The following TRMT1L variants were observed in gnomAD, a reference collection of about 807,000 sequenced individuals.
TRMT1L encodes the protein tRNA methyltransferase 1L, also known as tRNA (guanine(27)-N(2))-dimethyltransferase.
Under a neutral mutation model 81.6 loss-of-function variants are expected in TRMT1L, and 28 were observed. The ratio of observed to expected loss-of-function variants is 0.34; its 90% CI spans 0.25 to 0.47. TRMT1L has a LOEUF of 0.47. Ranked by LOEUF, TRMT1L falls within the 20% of genes least tolerant of loss-of-function variation. The pLI, the probability that TRMT1L is intolerant of heterozygous loss-of-function variation, is 1.00. For missense variants in TRMT1L, 739 were observed against 877.1 expected (o/e 0.84, Z 1.99); for synonymous variants, 301 against 303.2 (o/e 0.99, Z 0.07).
intron 9 of TRMT1L, among the ~76,000 whole-genome samples, 190 bp downstream of exon 9, chr1:185,139,177 A>T (rs1652973502): frequency 6.6e-6 from 1 of 152,238 alleles, no homozygotes; most frequent in South Asian, 2.1e-4. Flanking sequence ...GAGTAAACTG[A>T]ATATTTCAGG....
chr1:185,135,646 T>A (rs1652882342), intron 10 of TRMT1L, among the ~76,000 whole-genome samples: 1 of 151,782 alleles, frequency 6.6e-6, no homozygotes, highest in Non-Finnish European at 1.5e-5. Context: ...AAGGAACACA[T>A]AATTCCAATA....
intron 5 of TRMT1L, among the ~76,000 whole-genome samples, chr1:185,144,915 T>A (rs1653149291): frequency 6.6e-6 from 1 of 151,840 alleles, no homozygotes; most frequent in Non-Finnish European, 1.5e-5. Flanking sequence ...ACTGTTTTTT[T>A]TTTCAATTCT....
chr1:185,121,825 A>G (rs566776064), intron 13 of TRMT1L, among the ~76,000 whole-genome samples: 30 of 151,882 alleles, frequency 2.0e-4, no homozygotes, highest in African/African-American at 7.0e-4. Flanking sequence ...GTATATGTGT[A>G]GGTTTGTTAC....
rs1214873274 is a variant in TRMT1L at position 185,140,025 on chromosome 1, C to A, written c.1057G>T (p.Val353Leu). ...AGTACATTGGCATCCATTTTGGTCA[C>A]CTTAATATTACCAAGATTTTTCTCT... ...EGEKNLGNIK[V>L]TKMDANVLMH... Residue 353 changes from valine (V) to leucine (L), a missense_variant, in exon 8 of 15, where the codon GTG becomes TTG. Physicochemically the swap from Val to Leu is conservative, Grantham distance 32 (BLOSUM62 1). This residue lies in a region of TRMT1L where 331 missense variants were observed against 462.2 expected (regional missense o/e 0.72). Transcript: ENST00000367506. The A allele has an allele frequency of 5.0e-6, 8 of 1,613,720 alleles. No homozygotes were observed. In the South Asian group the frequency reaches 8.8e-5, roughly 18 times the overall value.
chr1:185,138,615 A>G (rs972623337), intron 9 of TRMT1L, among the ~76,000 whole-genome samples: 3 of 152,208 alleles, frequency 2.0e-5, no homozygotes, highest in Non-Finnish European at 4.4e-5. Context: ...TAAGTGCTCA[A>G]AAAAAGTCAT....
chr1:185,120,160 G>A lies in TRMT1L; in HGVS notation c.2061C>T (p.Ile687=). 1.9e-6 allele frequency: 3 copies of A among 1,613,918 alleles called. No individual in the cohort carries two copies. Among genetic ancestry groups the A allele is most frequent in the African/African-American group, 1.3e-5 (1 of 74,978 alleles). ...TDAPLMQFKS[I]LLKYSTPTYT... is the part of the protein sequence containing the mutation. ...AGGTGGGGGTGCTGTACTTTAAAAG[G>A]ATAGATTTAAACTGCATCAGAGGTG... The change falls in exon 15 of 15, where the codon ATC becomes ATT. Residue 687 remains isoleucine, a synonymous_variant. Transcript: ENST00000367506.
intron 7 of TRMT1L, among the ~76,000 whole-genome samples, chr1:185,142,995 T>C (rs1410812300): frequency 6.6e-6 from 1 of 152,162 alleles, no homozygotes; most frequent in South Asian, 2.1e-4. Context: ...ATGATGACAG[T>C]ATAGTGGTTT....
intron 11 of TRMT1L, 104 bp downstream of exon 11, chr1:185,128,565 C>T (rs1379999231): frequency 1.8e-6 from 2 of 1,089,898 alleles, no homozygotes; most frequent in Non-Finnish European, 2.8e-6. Context: ...CTAGACTTAA[C>T]AATTGAATTT....
Position 185,142,836 on chromosome 1 carries a change from TAGA to T in TRMT1L, c.859+518_859+520del, listed in dbSNP as rs1653085163. Among the ~76,000 whole-genome samples, 3 of 152,216 alleles carry T rather than the reference TAGA, an allele frequency of 2.0e-5. No homozygotes were observed. The South Asian group carries it at 6.2e-4, about 32-fold the overall frequency. On this transcript the variant is annotated intron_variant, in intron 7 of 14. Coordinates refer to ENST00000367506, the MANE Select transcript of TRMT1L (RefSeq NM_030934.5). ...TAATTATCACACACACAGAAAATGA[TAGA>T]AGGACCCATAGATTTAAAAGAGACT...
Position 185,120,275 on chromosome 1 carries a change from C to A in TRMT1L, c.1950-4G>T, listed in dbSNP as rs764680539. 2.0e-6 allele frequency: 3 copies of A among 1,525,482 alleles called. No individual in the cohort carries two copies. The highest frequency in any genetic ancestry group is 2.0e-5 in the Admixed American group (1 of 49,156). 94.5% of individuals were successfully genotyped at this position (1,525,482 alleles called of 1,614,324 possible). On this transcript the variant is annotated splice_polypyrimidine_tract_variant and splice_region_variant and intron_variant, in intron 14 of 14. Transcript: ENST00000367506. ...ATAGCACAAAAACTTTTTTAACCTG[C>A]AAAAAGGAAAGGAAAGAAAAAATAA... is the stretch of plus-strand genomic sequence containing the variant.
chr1:185,154,710 T>C (rs1348931009), intron 1 of TRMT1L, among the ~76,000 whole-genome samples: 1 of 152,248 alleles, frequency 6.6e-6, no homozygotes, highest in African/African-American at 2.4e-5. Flanking sequence ...TGTGGTCTAC[T>C]ACTGAAGAAA....
At chr1:185,120,604 C>T in intron 13 of TRMT1L, 95 bp from the exon 14 acceptor site, 1 of 1,128,532 alleles carries the variant, frequency 8.9e-7, no homozygotes, top group Non-Finnish European at 1.1e-6. Context: ...AATCCTGACA[C>T]ATTATTTCAA....
chr1:185,120,142 G>T lies in TRMT1L; in HGVS notation c.2079C>A (p.Thr693=), dbSNP rs756951763. Residue 693 remains threonine (T), a synonymous_variant, in exon 15 of 15, where the codon ACC becomes ACA. Transcript: ENST00000367506. ...CTGACTGTCCTCCAGTGTAGGTGGGGGTGCTGTACTTTAAAAGGATAGATT... is the reference window on the plus strand; with the variant it reads ...CTGACTGTCCTCCAGTGTAGGTGGGTGTGCTGTACTTTAAAAGGATAGATT... ...QFKSILLKYS[T]PTYTGGQSES... 2.1e-5 allele frequency: 34 copies of T among 1,613,816 alleles called. No individual in the cohort carries two copies. The highest frequency in any genetic ancestry group is 4.5e-5 in the East Asian group (2 of 44,884).
chr1:185,140,349 T>G (rs976343016), intron 7 of TRMT1L, 127 bp from the exon 8 acceptor site: 1 of 834,288 alleles, frequency 1.2e-6, no homozygotes, highest in African/African-American at 1.7e-5. Flanking sequence ...ATGAATCTTA[T>G]TCCTTCTTAC....
intron 1 of TRMT1L, among the ~76,000 whole-genome samples, chr1:185,156,176 T>C (rs1335210526): frequency 1.3e-5 from 2 of 152,206 alleles, no homozygotes; most frequent in Non-Finnish European, 2.9e-5. Context: ...TAACTTCCTA[T>C]TTTTGTACCT....
At chr1:185,156,139 GAC>G (rs1653542141) in intron 1 of TRMT1L, among the ~76,000 whole-genome samples, 1 of 152,182 alleles carries the variant, frequency 6.6e-6, no homozygotes, top group South Asian at 2.1e-4. Context: ...TGGCAGACTG[GAC>G]TGCGGGAAAC....
chr1:185,118,772 C>G lies in TRMT1L; in HGVS notation c.*1247G>C, dbSNP rs1012592829. 5 of 149,624 alleles carry G rather than the reference C, an allele frequency of 3.3e-5. No homozygotes were observed. The highest frequency in any genetic ancestry group is 5.9e-5 in the Non-Finnish European group (4 of 67,998). 9.3% of individuals were successfully genotyped at this position (149,624 alleles called of 1,614,324 possible). A position where few individuals can be genotyped will look rare whatever the true frequency, so the allele number is the denominator to read the frequency against. On this transcript the variant is annotated 3_prime_UTR_variant, in exon 15 of 15. Coordinates refer to ENST00000367506, the MANE Select transcript of TRMT1L (RefSeq NM_030934.5). ...TTCATTTCTGCAAAATTAATATTCTCTATTCATCTAATGCCTATCCACTAG... is the reference window on the plus strand; with the variant it reads ...TTCATTTCTGCAAAATTAATATTCTGTATTCATCTAATGCCTATCCACTAG...
chr1:185,146,643 T>A (rs1350222386), intron 4 of TRMT1L, among the ~76,000 whole-genome samples: 1 of 152,048 alleles, frequency 6.6e-6, no homozygotes, highest in African/African-American at 2.4e-5. Context: ...CCAATATGCA[T>A]TCAGGATAGT....
chr1:185,124,953 T>G lies in TRMT1L; in HGVS notation c.1750A>C (p.Asn584His). Residue 584 changes from asparagine (N) to histidine (H), a missense_variant, in exon 12 of 15, where the codon AAC becomes CAC. This residue lies in a region of TRMT1L where 196 missense variants were observed against 232.6 expected (regional missense o/e 0.84). Transcript: ENST00000367506. ...GCGTTCAGTTAGTCACCTTGCTTGT[T>G]GACATTTGAAGATGCATGAATTGAA... ...QFSIHASSNVNKQEENGVFIK... is the reference protein window; with the variant it reads ...QFSIHASSNVHKQEENGVFIK... The G allele has an allele frequency of 6.2e-7, 1 of 1,610,404 alleles. No homozygotes were observed. The highest frequency in any genetic ancestry group is 2.2e-5 in the East Asian group (1 of 44,740).
Sources: gnomAD v4.1 joint callset for allele counts (sites outside exome capture counted in the v4.1 genomes callset) on GRCh38, gnomAD v4.1.1 for gene constraint, gnomAD v4.1.1 regional missense constraint, MANE v1.5 for transcripts, NCBI Gene and HGNC (gene_info 2026-07-23, HGNC 2026-07-21) for gene names.